Variants in MYO18A observed in about 807,000 individuals in gnomAD.
The protein encoded by MYO18A is unconventional myosin-XVIIIa.
Under a neutral mutation model 235.8 loss-of-function variants are expected in MYO18A, and 78 were observed. The ratio of observed to expected loss-of-function variants is 0.33; its 90% CI spans 0.28 to 0.40. The LOEUF (loss-of-function observed/expected upper bound fraction) is 0.40, where lower values mean the gene tolerates loss of function less well. MYO18A is among the 10% of genes least tolerant of loss of function. MYO18A has a pLI of 1.00. For missense variants in MYO18A, 2,215 were observed against 2,699.3 expected (o/e 0.82, Z 3.98); for synonymous variants, 977 against 1,077.8 (o/e 0.91, Z 1.83).
At chr17:29,131,482 T>A in intron 2 of MYO18A, 1 of 968,322 alleles carries the variant, frequency 1.0e-6, no homozygotes, top group Non-Finnish European at 1.2e-6. Context: ...AGGTCAAGGC[T>A]GGGAGACCCA....
intron 14 of MYO18A, 55 bp from the exon 15 acceptor site, chr17:29,114,152 C>A: frequency 7.3e-7 from 1 of 1,379,150 alleles, no homozygotes; most frequent in Non-Finnish European, 1.0e-6. Flanking sequence ...TGGGGAACAG[C>A]CTTGTGAGTA....
At chr17:29,141,517 A>G (rs1335745811) in intron 2 of MYO18A, among the ~76,000 whole-genome samples, 1 of 151,960 alleles carries the variant, frequency 6.6e-6, no homozygotes, top group African/African-American at 2.4e-5. Flanking sequence ...CATACACCCC[A>G]TGCTTCTTGC....
At chr17:29,100,136 A>G (rs1644341018) in intron 21 of MYO18A, among the ~76,000 whole-genome samples, 1 of 152,238 alleles carries the variant, frequency 6.6e-6, no homozygotes, top group Non-Finnish European at 1.5e-5. Context: ...CAGGACTGCC[A>G]GCAACCCTGT....
intron 40 of MYO18A, among the ~76,000 whole-genome samples, chr17:29,085,254 A>G (rs1262563415): frequency 6.6e-6 from 1 of 152,198 alleles, no homozygotes; most frequent in African/African-American, 2.4e-5. Context: ...CCCCCCAGAG[A>G]AATAGGCCAG....
In MYO18A at chr17:29,071,233, C is replaced by T. The variant is rs960951435; in HGVS notation, c.*3537G>A. 6 of 152,224 alleles carry T rather than the reference C, an allele frequency of 3.9e-5. No homozygotes were observed. The highest frequency in any genetic ancestry group is 1.2e-4 in the African/African-American group (5 of 41,444). 9.4% of individuals were successfully genotyped at this position (152,224 alleles called of 1,614,324 possible). On this transcript the variant is annotated 3_prime_UTR_variant, in exon 42 of 42. Coordinates refer to ENST00000527372, the MANE Select transcript of MYO18A (RefSeq NM_078471.4). Reference sequence around the variant, plus strand: ...GCTTATTCAGGAGTCAGAGCAATCCCGGGGATCTGCAGTTATAGAGGAGGA... The same window carrying T: ...GCTTATTCAGGAGTCAGAGCAATCCTGGGGATCTGCAGTTATAGAGGAGGA...
In MYO18A at chr17:29,093,411, A is replaced by C. The variant is rs2066447460; in HGVS notation, c.4838T>G (p.Val1613Gly). 1 of 1,610,448 alleles carries C rather than the reference A, an allele frequency of 6.2e-7. No homozygotes were observed. Among genetic ancestry groups the C allele is most frequent in the Non-Finnish European group, 8.5e-7 (1 of 1,179,676 alleles). ...SCQKKLKQME[V>G]QLEEEYEDKQ... The stretch of plus-strand genomic sequence containing the variant: ...GTCCTCATACTCTTCCTCTAGCTGC[A>C]CCTCCATCTGTTTTAACTGGAGTAC... Residue 1613 changes from valine (V) to glycine (G), a missense_variant, in exon 32 of 42, where the codon GTG becomes GGG. Physicochemically the swap from Val to Gly is moderately radical, Grantham distance 109. Coordinates refer to ENST00000527372, the MANE Select transcript of MYO18A (RefSeq NM_078471.4).
chr17:29,092,537 C>A, intron 33 of MYO18A, 81 bp from the exon 34 acceptor site: 1 of 1,130,852 alleles, frequency 8.8e-7, no homozygotes. Context: ...AAAGAGGGAG[C>A]TCGGATGCCC....
chr17:29,142,542 G>T (rs1482818528), intron 2 of MYO18A, among the ~76,000 whole-genome samples: 1 of 152,224 alleles, frequency 6.6e-6, no homozygotes, highest in Non-Finnish European at 1.5e-5. Flanking sequence ...ATCCCCTGGG[G>T]ACTTGTTGGA....
chr17:29,085,696 T>G (rs777216101), intron 39 of MYO18A, 48 bp from the exon 40 acceptor site: 1 of 1,604,848 alleles, frequency 6.2e-7, no homozygotes, highest in Non-Finnish European at 8.5e-7. Context: ...AGGAAACAGA[T>G]GAAATCAATC....
intron 12 of MYO18A, 40 bp downstream of exon 12, chr17:29,115,624 G>A (rs1198835270): frequency 1.3e-6 from 2 of 1,549,944 alleles, no homozygotes; most frequent in African/African-American, 1.4e-5. Flanking sequence ...CCCAGATGAG[G>A]CCTCACACTC....
chr17:29,124,821 G>C (rs968273836), intron 2 of MYO18A: 2 of 669,546 alleles, frequency 3.0e-6, no homozygotes, highest in Admixed American at 7.3e-5. Flanking sequence ...CGGGGTGAAG[G>C]TGGGGGAGCT....
chr17:29,094,047 G>A lies in MYO18A; in HGVS notation c.4754C>T (p.Thr1585Ile), dbSNP rs1455941230. The change falls in exon 31 of 42, where the codon ACC (threonine) becomes ATC (isoleucine). Residue 1585 changes from threonine to isoleucine, a missense_variant. Thr to Ile is a moderately conservative substitution (Grantham distance 89, BLOSUM62 -1). Transcript: ENST00000527372. ...LEMEMERMRQ[T>I]HSKEMESRDE... ...CCGACTCTCCATCTCCTTAGAATGGGTCTGTCTCATCCGCTCCATCTCCAT... is the reference window on the plus strand; with the variant it reads ...CCGACTCTCCATCTCCTTAGAATGGATCTGTCTCATCCGCTCCATCTCCAT... The A allele has an allele frequency of 6.2e-7, 1 of 1,612,200 alleles. No homozygotes were observed. The highest frequency in any genetic ancestry group is 8.5e-7 in the Non-Finnish European group (1 of 1,179,314).
rs562069240 is a variant in MYO18A at position 29,129,802 on chromosome 17, TAGGCCC to T, written c.1000-7555_1000-7550del. ...CAGAGCTGAGCCAAGGGCCTTAATC[TAGGCCC>T]TGGTTACAGGTTGGCTCCGCTGAAG... On this transcript the variant is annotated intron_variant, in intron 2 of 41. Coordinates refer to ENST00000527372, the MANE Select transcript of MYO18A (RefSeq NM_078471.4). Among the ~76,000 whole-genome samples, 43 of 152,370 alleles carry T rather than the reference TAGGCCC, an allele frequency of 2.8e-4. 2 individuals are homozygous for T. In the East Asian group the frequency reaches 6.6e-3, roughly 23 times the overall value.
chr17:29,146,427 G>C (rs2067851139), intron 2 of MYO18A, among the ~76,000 whole-genome samples: 1 of 152,142 alleles, frequency 6.6e-6, no homozygotes. Context: ...TGCTGTAGTG[G>C]ACATGTGTTG....
chr17:29,118,334 C>A lies in MYO18A; in HGVS notation c.1893+43G>T, dbSNP rs766558141. ...GGACCCATGGAGGCTTCTCCTACCC[C>A]CAAGGCCCAGGGCTGGCAACCCAGA... On this transcript the variant is annotated intron_variant, in intron 9 of 41. Coordinates refer to ENST00000527372, the MANE Select transcript of MYO18A (RefSeq NM_078471.4). The surrounding 1 kb of genome is among the most constrained non-coding windows in gnomAD (Gnocchi z 4.2). 25 of 1,583,728 alleles carry A rather than the reference C, an allele frequency of 1.6e-5. No individual in the cohort carries two copies. Among genetic ancestry groups the A allele is most frequent in the Admixed American group, 1.7e-5 (1 of 58,540 alleles).
intron 20 of MYO18A, among the ~76,000 whole-genome samples, chr17:29,104,693 T>C (rs567239270): frequency 2.4e-4 from 36 of 151,808 alleles, no homozygotes; most frequent in Non-Finnish European, 4.9e-4. Flanking sequence ...GAATAGAAAA[T>C]ACATATGGCC....
chr17:29,145,367 G>A (rs2067826093), intron 2 of MYO18A, among the ~76,000 whole-genome samples: 1 of 152,198 alleles, frequency 6.6e-6, no homozygotes, highest in African/African-American at 2.4e-5. Context: ...TTGGTGGCGT[G>A]GATGAGTGGA....
rs184292352 is a variant in MYO18A, at chr17:29,161,316, C to G, written c.999+4626G>C. ...GTTGCAGTGAGCTGAGATCGCGCCA[C>G]TGCATTCCAGCCTGGGTGACAAGAG... is the stretch of plus-strand genomic sequence containing the variant. On this transcript the variant is annotated intron_variant, in intron 2 of 41. Transcript: ENST00000527372. Among the ~76,000 whole-genome samples, 1,019 of 146,366 alleles carry G rather than the reference C, an allele frequency of 7.0e-3. 11 individuals are homozygous for G. The highest frequency in any genetic ancestry group is 9.9e-3 in the Non-Finnish European group (667 of 67,296).
chr17:29,111,523 C>T lies in MYO18A; in HGVS notation c.2801G>A (p.Gly934Asp). Residue 934 changes from glycine (G) to aspartate (D), a missense_variant, in exon 17 of 42, where the codon GGC becomes GAC. Gly to Asp is a moderately conservative substitution (Grantham distance 94). Transcript: ENST00000527372. This position sits in a 1 kb window ranked among gnomAD's most constrained non-coding sequence, Gnocchi z 5.1. ...CACATTGTACTCTACCCAGTTGGTG[C>T]CATGGCTGTGGCCCAGGAGAAAGTG... is the stretch of plus-strand genomic sequence containing the variant. The part of the protein sequence containing the change: ...PHHFLLGHSH[G>D]TNWVEYNVTG... The T allele has an allele frequency of 3.1e-6, 5 of 1,613,582 alleles. No homozygotes were observed. The highest frequency in any genetic ancestry group is 4.2e-6 in the Non-Finnish European group (5 of 1,179,748).
Sources: allele counts gnomAD v4.1 joint callset (sites outside exome capture counted in the v4.1 genomes callset), GRCh38; gene constraint gnomAD v4.1.1; non-coding constraint Gnocchi (gnomAD v3.1); transcripts MANE v1.5; gene names NCBI Gene and HGNC (gene_info 2026-07-23, HGNC 2026-07-21).